Variants in PHLPP2 observed in about 807,000 individuals in gnomAD.
PHLPP2 encodes the protein PH domain and leucine rich repeat protein phosphatase 2.
Under a neutral mutation model 124.9 loss-of-function variants are expected in PHLPP2, and 66 were observed. That is an observed-to-expected ratio of 0.53 (90% CI 0.43 to 0.65). The LOEUF is 0.65. PHLPP2 is among the 30% of genes least tolerant of loss of function. The pLI is 0.00. For missense variants in PHLPP2, 1,685 were observed against 1,600.4 expected, an observed-to-expected ratio of 1.05 and a Z score of -0.90; for synonymous variants, 681 against 624.7, an observed-to-expected ratio of 1.09 and a Z score of -1.34.
At chr16:71,718,533 T>C (rs1305118306) in intron 1 of PHLPP2, among the ~76,000 whole-genome samples, 5 of 151,114 alleles carry the variant, frequency 3.3e-5, no homozygotes, top group East Asian at 2.0e-4. Flanking sequence ...TGAGCCGAGA[T>C]TGCGCCACTG....
intron 1 of PHLPP2, among the ~76,000 whole-genome samples, chr16:71,721,568 G>A (rs973576520): frequency 4.6e-5 from 7 of 152,094 alleles, no homozygotes; most frequent in Non-Finnish European, 1.0e-4. Flanking sequence ...GCACTCCAGC[G>A]TGGGCTACAC....
At chr16:71,677,926 T>C (rs2044962300) in intron 8 of PHLPP2, 1 of 152,128 alleles carries the variant, frequency 6.6e-6, no homozygotes, top group African/African-American at 2.4e-5. Context: ...TAAATAAACG[T>C]TGATTAAAAC....
intron 18 of PHLPP2, among the ~76,000 whole-genome samples, chr16:71,651,452 T>C (rs1024530827): frequency 1.3e-5 from 2 of 152,158 alleles, no homozygotes; most frequent in Non-Finnish European, 2.9e-5. Context: ...TAGTCCCAGC[T>C]ACTCAGGAGG....
At chr16:71,712,811 C>T (rs905727934) in intron 2 of PHLPP2, among the ~76,000 whole-genome samples, 11 of 152,292 alleles carry the variant, frequency 7.2e-5, no homozygotes, top group Middle Eastern at 3.4e-3. Context: ...ACTATTATTA[C>T]CACACTTTTA....
At chr16:71,678,666 C>T (rs2044969248) in intron 8 of PHLPP2, 89 bp downstream of exon 8, 2 of 772,016 alleles carry the variant, frequency 2.6e-6, no homozygotes, top group African/African-American at 1.8e-5. Context: ...TTTAAAAACC[C>T]TAATGTTTTA....
intron 5 of PHLPP2, 130 bp downstream of exon 5, chr16:71,684,346 G>A (rs894909701): frequency 4.5e-5 from 38 of 838,654 alleles, no homozygotes; most frequent in Middle Eastern, 3.6e-4. Flanking sequence ...GACTGGTCTC[G>A]AACTCCCAAC....
Position 71,679,457 on chromosome 16 carries a change from G to C in PHLPP2, c.969C>G (p.Thr323=), listed in dbSNP as rs1362675261. 2 of 1,613,452 alleles carry C rather than the reference G, an allele frequency of 1.2e-6. No homozygotes were observed. Among genetic ancestry groups the C allele is most frequent in the Non-Finnish European group, 8.5e-7 (1 of 1,179,452 alleles). ...TACAGGAAAGGTTGAGCTCAGTCAG[G>C]GTAGAGATCTCGCATAACAATATAG... is the stretch of plus-strand genomic sequence containing the variant. The part of the protein sequence containing the change: ...LFPILLCEIS[T]LTELNLSCNG... Residue 323 remains threonine, a synonymous_variant, in exon 7 of 19, where the codon ACC becomes ACG. Transcript: ENST00000568954.
Position 71,714,661 on chromosome 16 carries a change from T to G in PHLPP2, c.135A>C (p.Thr45=). ...LYGADTTTAT[T]TTTTSSSSSS... ...AAGAGGAAGAGGAGGTGGTGGTGGT[T>G]GTAGTGGCAGTGGTAGTGTCTGCTC... The change falls in exon 2 of 19, where the codon ACA becomes ACC. Residue 45 remains threonine, a synonymous_variant. Coordinates refer to ENST00000568954, the MANE Select transcript of PHLPP2 (RefSeq NM_015020.3). 1 of 1,613,410 alleles carries G rather than the reference T, an allele frequency of 6.2e-7. No individual in the cohort carries two copies. The highest frequency in any genetic ancestry group is 8.5e-7 in the Non-Finnish European group (1 of 1,179,482).
intron 3 of PHLPP2, among the ~76,000 whole-genome samples, chr16:71,690,985 A>G (rs2045105859): frequency 6.6e-6 from 1 of 152,196 alleles, no homozygotes; most frequent in Non-Finnish European, 1.5e-5. Context: ...TACCCAGAGA[A>G]AGGCAGTATG....
In PHLPP2 at chr16:71,698,587, A is replaced by C. The variant is rs148774682; in HGVS notation, c.418+4011T>G. ...GAAAGGCCTGTCTCTAAGGTCCCTTAGAGCAACCCATACAAGAAACAGGCT... is the reference window on the plus strand; with the variant it reads ...GAAAGGCCTGTCTCTAAGGTCCCTTCGAGCAACCCATACAAGAAACAGGCT... On this transcript the variant is annotated intron_variant, in intron 3 of 18. Coordinates refer to ENST00000568954, the MANE Select transcript of PHLPP2 (RefSeq NM_015020.3). The C allele has an allele frequency of 2.2e-3, 1,393 of 626,072 alleles. 15 individuals carry two copies. The African/African-American group carries it at 0.022, about 10-fold the overall frequency. 38.8% of individuals were successfully genotyped at this position (626,072 alleles called of 1,614,324 possible).
At chr16:71,705,404 G>A (rs985471120) in intron 2 of PHLPP2, among the ~76,000 whole-genome samples, 2 of 152,148 alleles carry the variant, frequency 1.3e-5, no homozygotes, top group Non-Finnish European at 2.9e-5. Context: ...TGAAAGAAAT[G>A]GAAGCATCCT....
chr16:71,681,163 C>T (rs577695607), intron 6 of PHLPP2, among the ~76,000 whole-genome samples: 1 of 152,262 alleles, frequency 6.6e-6, no homozygotes, highest in South Asian at 2.1e-4. Context: ...ACTTACAACA[C>T]ATATTTATTC....
chr16:71,658,728 T>C lies in PHLPP2; in HGVS notation c.2073A>G (p.Lys691=). ...KTIPTTIANC[K]RLHTLVAHSN... is the part of the protein sequence containing the mutation. ...AGTGTGCAACAAGGGTGTGCAGCCT[T>C]TTACAGTTTGCTATGGTTGTGGGAA... The change falls in exon 14 of 19, where the codon AAA becomes AAG. Residue 691 remains lysine, a synonymous_variant. Coordinates refer to ENST00000568954, the MANE Select transcript of PHLPP2 (RefSeq NM_015020.3). 6.2e-7 allele frequency: 1 copy of C among 1,614,160 alleles called. No individual in the cohort carries two copies. The highest frequency in any genetic ancestry group is 8.5e-7 in the Non-Finnish European group (1 of 1,180,024).
chr16:71,675,106 T>C (rs1436555118), intron 9 of PHLPP2, among the ~76,000 whole-genome samples: 1 of 152,168 alleles, frequency 6.6e-6, no homozygotes, highest in East Asian at 1.9e-4. Flanking sequence ...ACTTCTAGAA[T>C]ATGGTATGTG....
At chr16:71,723,826 G>A (rs1289257833) in intron 1 of PHLPP2, 5 of 1,252,198 alleles carry the variant, frequency 4.0e-6, no homozygotes, top group Middle Eastern at 3.2e-4. Flanking sequence ...GCGGCTCCGG[G>A]GGCTCCAGCG....
intron 18 of PHLPP2, among the ~76,000 whole-genome samples, chr16:71,650,620 G>A (rs1345797049): frequency 1.3e-5 from 2 of 152,222 alleles, no homozygotes; most frequent in Non-Finnish European, 2.9e-5. Flanking sequence ...CAAAATCCCT[G>A]TAATTCAAAA....
intron 15 of PHLPP2, among the ~76,000 whole-genome samples, chr16:71,657,273 T>G (rs1053294843): frequency 6.6e-6 from 1 of 152,004 alleles, no homozygotes; most frequent in African/African-American, 2.4e-5. Flanking sequence ...GGATGGAGTT[T>G]TGTCATGTTG....
intron 5 of PHLPP2, 36 bp from the exon 6 acceptor site, chr16:71,681,941 G>C: frequency 6.7e-7 from 1 of 1,485,046 alleles, no homozygotes; most frequent in Admixed American, 2.1e-5. Context: ...TTCTGAGCTA[G>C]TACTGGATGT....
At chr16:71,671,892 CG>C (rs1259464929) in intron 10 of PHLPP2, among the ~76,000 whole-genome samples, 2 of 151,228 alleles carry the variant, frequency 1.3e-5, no homozygotes, top group African/African-American at 4.9e-5. Context: ...CCAGCCTGGC[CG>C]ACAGAGCAAG....
Sources: gnomAD v4.1 joint callset for allele counts (sites outside exome capture counted in the v4.1 genomes callset) on GRCh38, gnomAD v4.1.1 for gene constraint, MANE v1.5 for transcripts, NCBI Gene and HGNC (gene_info 2026-07-23, HGNC 2026-07-21) for gene names.